The following SMARCC1 variants were observed in gnomAD, a reference collection of about 807,000 sequenced individuals.
SMARCC1 encodes the protein SWI/SNF complex subunit SMARCC1.
Under a neutral mutation model 147.4 loss-of-function variants are expected in SMARCC1, and 43 were observed. The ratio of observed to expected loss-of-function variants is 0.29; its 90% CI spans 0.23 to 0.38. The LOEUF (loss-of-function observed/expected upper bound fraction) is 0.38. Among genes scored for constraint, SMARCC1 ranks in the 10% least tolerant of loss-of-function variants. SMARCC1 has a pLI of 1.00. For synonymous variants in SMARCC1, 495 were observed against 484.4 expected, an observed-to-expected ratio of 1.02 and a Z score of -0.29; for missense variants, 1,119 against 1,381.1, an observed-to-expected ratio of 0.81 and a Z score of 3.01.
intron 9 of SMARCC1, among the ~76,000 whole-genome samples, chr3:47,709,955 A>G (rs1216524840): frequency 1.3e-5 from 2 of 152,208 alleles, no homozygotes; most frequent in African/African-American, 4.8e-5. Flanking sequence ...GGATTGAACT[A>G]TAACTGTTAA....
chr3:47,638,747 G>A lies in SMARCC1; in HGVS notation c.2354C>T (p.Pro785Leu). The A allele has an allele frequency of 6.2e-7, 1 of 1,613,508 alleles. No individual in the cohort carries two copies. Among genetic ancestry groups the A allele is most frequent in the Non-Finnish European group, 8.5e-7 (1 of 1,179,446 alleles). ...GAEEEKMEAD[P>L]DGQQPEKAEN... is the part of the protein sequence containing the mutation. ...TACCTTTTCAGGCTGCTGACCATCAGGGTCGGCTTCCATTTTTTCCTCTTC... is the reference window on the plus strand; with the variant it reads ...TACCTTTTCAGGCTGCTGACCATCAAGGTCGGCTTCCATTTTTTCCTCTTC... Residue 785 changes from proline (P) to leucine (L), a missense_variant, in exon 22 of 28, where the codon CCT becomes CTT. Pro to Leu is a moderately conservative substitution (Grantham distance 98). This residue lies in a region of SMARCC1 where 157 missense variants were observed against 158.6 expected (regional missense o/e 0.99). Coordinates refer to ENST00000254480, the MANE Select transcript of SMARCC1 (RefSeq NM_003074.4).
intron 15 of SMARCC1, among the ~76,000 whole-genome samples, chr3:47,679,082 A>G (rs547484292): frequency 2.8e-4 from 43 of 152,300 alleles, no homozygotes; most frequent in African/African-American, 1.0e-3. Context: ...CACAAAATAT[A>G]GTACTTAACA....
At chr3:47,623,313 T>A (rs777547941) in intron 24 of SMARCC1, among the ~76,000 whole-genome samples, 46 of 152,088 alleles carry the variant, frequency 3.0e-4, no homozygotes, top group Admixed American at 8.5e-4. Flanking sequence ...ACCAAGGTCT[T>A]AAGAAATAGC....
intron 3 of SMARCC1, among the ~76,000 whole-genome samples, chr3:47,741,648 AT>A (rs1212507794): frequency 6.6e-6 from 1 of 151,456 alleles, no homozygotes; most frequent in Non-Finnish European, 1.5e-5. Flanking sequence ...TAACAAATAT[AT>A]TTTCCTTTCC....
intron 21 of SMARCC1, among the ~76,000 whole-genome samples, chr3:47,654,423 AG>A (rs1393769621): frequency 6.6e-6 from 1 of 152,242 alleles, no homozygotes; most frequent in Non-Finnish European, 1.5e-5. Context: ...TAAGAATTAT[AG>A]ATACTCTCAA....
intron 1 of SMARCC1, among the ~76,000 whole-genome samples, chr3:47,775,224 G>A (rs1037333182): frequency 6.0e-5 from 9 of 148,800 alleles, no homozygotes; most frequent in African/African-American, 2.0e-4. Context: ...GCAGTGGTGC[G>A]ATCTTGGCTC....
At chr3:47,722,556 A>G (rs527246392) in intron 6 of SMARCC1, among the ~76,000 whole-genome samples, 1 of 152,254 alleles carries the variant, frequency 6.6e-6, no homozygotes, top group Admixed American at 6.5e-5. Context: ...TCGGCCTCCC[A>G]AAGTGCTGGG....
intron 8 of SMARCC1, 59 bp from the exon 9 acceptor site, chr3:47,710,867 C>T (rs2106798427): frequency 6.9e-7 from 1 of 1,451,200 alleles, no homozygotes; most frequent in South Asian, 1.3e-5. Flanking sequence ...CAAGGTTTTA[C>T]AGTATTGAGA....
At chr3:47,601,123 CTTT>C (rs2032378865) in intron 26 of SMARCC1, among the ~76,000 whole-genome samples, 1 of 141,788 alleles carries the variant, frequency 7.1e-6, no homozygotes, top group Non-Finnish European at 1.5e-5. Context: ...TTTTTCTTTT[CTTT>C]TTTCTTTTTT....
At chr3:47,740,211 T>TTA (rs2034493767) in intron 3 of SMARCC1, among the ~76,000 whole-genome samples, 1 of 78,028 alleles carries the variant, frequency 1.3e-5, no homozygotes, top group Admixed American at 1.9e-4. Context: ...TTTTTTTTTT[T>TTA]AAAAGACAGA....
rs2033254687 is a variant in SMARCC1 at position 47,655,896 on chromosome 3, C to T, written c.2320+5398G>A. Among the ~76,000 whole-genome samples the T allele has an allele frequency of 6.6e-5, 10 of 152,080 alleles. 1 individual carries two copies. In the South Asian group the frequency reaches 1.7e-3, roughly 25 times the overall value. Reference sequence around the variant, plus strand: ...ATATTAATGAACAATGTAAAAAATGCTGGGAATATACTACAAATAATTACA... The same window carrying T: ...ATATTAATGAACAATGTAAAAAATGTTGGGAATATACTACAAATAATTACA... On this transcript the variant is annotated intron_variant, in intron 21 of 27. Coordinates refer to ENST00000254480, the MANE Select transcript of SMARCC1 (RefSeq NM_003074.4).
intron 11 of SMARCC1, among the ~76,000 whole-genome samples, chr3:47,694,829 C>T (rs916277132): frequency 1.3e-5 from 2 of 152,162 alleles, no homozygotes; most frequent in African/African-American, 4.8e-5. Context: ...GTATTTATTT[C>T]TAACAAATTA....
At position 47,585,659 on chromosome 3, in the gene SMARCC1, T is replaced by C. The variant is rs1266979747; in HGVS notation, c.*2550A>G. 6.6e-6 allele frequency: 1 copy of C among 152,210 alleles called. No homozygotes were observed. The highest frequency in any genetic ancestry group is 1.5e-5 in the Non-Finnish European group (1 of 68,048). 9.4% of individuals were successfully genotyped at this position (152,210 alleles called of 1,614,324 possible). Reference sequence around the variant, plus strand: ...CCTGGAGGTGCCAGGATGTTGGCCATCATTTTTGGAGAACTTCCACTCATT... The same window carrying C: ...CCTGGAGGTGCCAGGATGTTGGCCACCATTTTTGGAGAACTTCCACTCATT... On this transcript the variant is annotated 3_prime_UTR_variant, in exon 28 of 28. Coordinates refer to ENST00000254480, the MANE Select transcript of SMARCC1 (RefSeq NM_003074.4).
intron 13 of SMARCC1, among the ~76,000 whole-genome samples, chr3:47,688,949 C>T (rs1452663053): frequency 6.6e-6 from 1 of 152,090 alleles, no homozygotes; most frequent in Non-Finnish European, 1.5e-5. Flanking sequence ...GTGGCTGACA[C>T]CTGTAATGCC....
intron 24 of SMARCC1, among the ~76,000 whole-genome samples, chr3:47,622,586 G>A (rs2032749918): frequency 6.6e-6 from 1 of 152,096 alleles, no homozygotes; most frequent in Admixed American, 6.6e-5. Flanking sequence ...GGGCTATCAA[G>A]AAGGAGAGGG....
intron 5 of SMARCC1, among the ~76,000 whole-genome samples, chr3:47,734,969 A>G (rs533495171): frequency 6.6e-6 from 1 of 152,200 alleles, no homozygotes; most frequent in East Asian, 1.9e-4. Flanking sequence ...GTTGGCCAGG[A>G]TGGTCTCAAT....
At chr3:47,596,035 GT>G (rs80043402) in intron 26 of SMARCC1, among the ~76,000 whole-genome samples, 1,853 of 144,212 alleles carry the variant, frequency 0.013, 29 homozygotes, top group African/African-American at 0.043. Flanking sequence ...ACCCGGCCAG[GT>G]TTTTTTTTTT....
At chr3:47,737,163 A>G (rs1158373148) in intron 4 of SMARCC1, among the ~76,000 whole-genome samples, 5 of 152,280 alleles carry the variant, frequency 3.3e-5, no homozygotes, top group African/African-American at 1.2e-4. Flanking sequence ...GAGGCCAAGC[A>G]AGCAAATCGC....
At chr3:47,590,639 AT>A in intron 27 of SMARCC1, 21 bp downstream of exon 27, 1 of 1,490,448 alleles carries the variant, frequency 6.7e-7, no homozygotes, top group South Asian at 1.4e-5. Flanking sequence ...GAGATAATGC[AT>A]CCCCCCTCCA....
Sources: gnomAD v4.1 joint callset for allele counts (sites outside exome capture counted in the v4.1 genomes callset) on GRCh38, gnomAD v4.1.1 for gene constraint, gnomAD v4.1.1 regional missense constraint, MANE v1.5 for transcripts, NCBI Gene and HGNC (gene_info 2026-07-23, HGNC 2026-07-21) for gene names.